LTA4H: variants seen among roughly 807,000 people sequenced by gnomAD.
LTA4H encodes leukotriene A4 hydrolase, also known as leukotriene A-4 hydrolase.
Under a neutral mutation model 89.8 loss-of-function variants are expected in LTA4H, and 59 were observed. The ratio of observed to expected loss-of-function variants is 0.66; its 90% CI spans 0.53 to 0.82. The LOEUF (loss-of-function observed/expected upper bound fraction) is 0.82. Among genes scored for constraint, LTA4H ranks in the 40% least tolerant of loss-of-function variants. The pLI, the probability that LTA4H is intolerant of heterozygous loss-of-function variation, is 0.00. For missense variants in LTA4H, 617 were observed against 727.0 expected (o/e 0.85, Z 1.74); for synonymous variants, 227 against 253.1 (o/e 0.90, Z 0.98).
chr12:96,015,861 G>GT (rs1369510642), intron 10 of LTA4H, among the ~76,000 whole-genome samples, 167 bp from the exon 11 acceptor site: 1 of 152,200 alleles, frequency 6.6e-6, no homozygotes, highest in Admixed American at 6.5e-5. Flanking sequence ...AGAGCAATGG[G>GT]AAGCCCAGCC....
intron 18 of LTA4H, among the ~76,000 whole-genome samples, chr12:96,001,405 A>G (rs941142745): frequency 6.6e-6 from 1 of 152,142 alleles, no homozygotes; most frequent in African/African-American, 2.4e-5. Context: ...GGCAGATCAG[A>G]CATTTTGCAG....
chr12:96,002,748 C>A (rs1206954145), intron 18 of LTA4H, among the ~76,000 whole-genome samples: 1 of 151,814 alleles, frequency 6.6e-6, no homozygotes, highest in East Asian at 1.9e-4. Context: ...TCTATTTGAT[C>A]CAAAATAGTA....
chr12:96,013,075 T>C, intron 14 of LTA4H, 113 bp downstream of exon 14: 1 of 812,694 alleles, frequency 1.2e-6, no homozygotes, highest in Non-Finnish European at 2.1e-6. Flanking sequence ...AGAACTCTGC[T>C]TTCATCATTT....
chr12:96,038,418 G>A (rs1254926354), upstream of LTA4H, among the ~76,000 whole-genome samples: 1 of 152,130 alleles, frequency 6.6e-6, no homozygotes, highest in Non-Finnish European at 1.5e-5. Flanking sequence ...CAAATGTCCT[G>A]TTGCCCAGGC....
intron 16 of LTA4H, 112 bp downstream of exon 16, chr12:96,006,202 G>T (rs1338273351): frequency 1.8e-5 from 10 of 565,296 alleles, no homozygotes; most frequent in African/African-American, 5.6e-5. Context: ...TTTTATAAAT[G>T]ATTTTTTCCC....
intron 4 of LTA4H, among the ~76,000 whole-genome samples, chr12:96,024,090 C>T (rs770617111): frequency 6.6e-5 from 10 of 151,938 alleles, no homozygotes; most frequent in Non-Finnish European, 1.2e-4. Flanking sequence ...CCACCATGCC[C>T]GGCTAATTTT....
Position 96,035,454 on chromosome 12 carries a change from C to T in LTA4H, c.66G>A (p.Leu22=), listed in dbSNP as rs149683156. Residue 22 remains leucine (L), a synonymous_variant, in exon 1 of 19, where the codon CTG becomes CTA. Coordinates refer to ENST00000228740, the MANE Select transcript of LTA4H (RefSeq NM_000895.3). ...TAAAGTCGACGCTGCAGCGCAGGTG[C>T]AGGTGCTTGGTCCGGCAGACGGAAG... ...SPASVCRTKH[L]HLRCSVDFTR... 5.0e-6 allele frequency: 8 copies of T among 1,609,638 alleles called. No individual in the cohort carries two copies. The East Asian group carries it at 9.0e-5, about 18-fold the overall frequency.
At chr12:96,001,854 A>T (rs1045037687) in intron 18 of LTA4H, among the ~76,000 whole-genome samples, 3 of 147,362 alleles carry the variant, frequency 2.0e-5, no homozygotes, top group South Asian at 4.3e-4. Context: ...TATTTTATTC[A>T]TTTTTTTTTT....
intron 18 of LTA4H, among the ~76,000 whole-genome samples, chr12:96,001,771 A>AAAAG: frequency 6.6e-6 from 1 of 152,168 alleles, no homozygotes; most frequent in South Asian, 2.1e-4. Context: ...AGGATTAGTC[A>AAAAG]TTTTTAATGT....
intron 18 of LTA4H, among the ~76,000 whole-genome samples, chr12:96,001,744 C>T (rs1483311561): frequency 1.3e-5 from 2 of 151,840 alleles, no homozygotes; most frequent in Non-Finnish European, 2.9e-5. Flanking sequence ...ATAAAAAGGA[C>T]CTACCATACA....
intron 2 of LTA4H, 75 bp from the exon 3 acceptor site, chr12:96,027,639 T>C: frequency 1.2e-6 from 1 of 867,252 alleles, no homozygotes; most frequent in Non-Finnish European, 1.8e-6. Context: ...ATACATACAC[T>C]GAATAATATA....
In LTA4H at chr12:96,022,230, C is replaced by CCAGT. The variant is rs1950461534; in HGVS notation, c.498_501dup (p.Val168ThrfsTer10). 6.2e-7 allele frequency: 1 copy of CCAGT among 1,612,508 alleles called. No homozygotes were observed. The highest frequency in any genetic ancestry group is 8.5e-7 in the Non-Finnish European group (1 of 1,178,806). ...TCACGAATAGCACTCATAAGTGCCACCAGTTCTTTAGGGACAGACACCTAA... is the reference window on the plus strand; with the variant it reads ...TCACGAATAGCACTCATAAGTGCCACCAGTCAGTTCTTTAGGGACAGACACCTAA... On this transcript the variant is annotated frameshift_variant, in exon 5 of 19. Transcript: ENST00000228740. LOFTEE classifies it high-confidence loss of function. This position sits in a 1 kb window ranked among gnomAD's most constrained non-coding sequence, Gnocchi z 4.0.
intron 14 of LTA4H, chr12:96,012,367 GT>G (rs1950315001): frequency 6.6e-6 from 1 of 152,166 alleles, no homozygotes; most frequent in Non-Finnish European, 1.5e-5. Flanking sequence ...CACACAACTC[GT>G]GAAAGACCAG....
intron 11 of LTA4H, chr12:96,015,313 A>G (rs1592880798): frequency 2.0e-6 from 1 of 506,958 alleles, no homozygotes; most frequent in Non-Finnish European, 3.4e-6. Flanking sequence ...GACATACCAA[A>G]TAAGATGCAA....
intron 14 of LTA4H, chr12:96,012,392 T>A (rs930541146): frequency 1.1e-4 from 17 of 152,168 alleles, no homozygotes; most frequent in Admixed American, 1.1e-3. Context: ...TCAGGTCCGA[T>A]TGAAGGAGGG....
chr12:96,043,225 A>C (rs1950701504), intron 1 of LTA4H: 5 of 1,168,968 alleles, frequency 4.3e-6, no homozygotes, highest in African/African-American at 1.5e-5. Context: ...GGTGAATTGA[A>C]GGGGTAGGCA....
At chr12:96,021,237 C>A in intron 5 of LTA4H, 100 bp from the exon 6 acceptor site, 1 of 839,136 alleles carries the variant, frequency 1.2e-6, no homozygotes. Context: ...AATTCCCTTT[C>A]AAATCTCCTA....
chr12:96,017,954 G>A (rs912260932), intron 8 of LTA4H, among the ~76,000 whole-genome samples: 2 of 151,976 alleles, frequency 1.3e-5, no homozygotes, highest in African/African-American at 2.4e-5. Flanking sequence ...TATGTGTCCT[G>A]TGCTGTATTT....
At chr12:96,019,757 A>G (rs911305107) in intron 6 of LTA4H, among the ~76,000 whole-genome samples, 9 of 150,906 alleles carry the variant, frequency 6.0e-5, no homozygotes, top group Admixed American at 3.9e-4. Context: ...ACGCCCAGCT[A>G]ATTTTTTCTT....
Sources: allele counts gnomAD v4.1 joint callset (sites outside exome capture counted in the v4.1 genomes callset), GRCh38; gene constraint gnomAD v4.1.1; non-coding constraint Gnocchi (gnomAD v3.1); transcripts MANE v1.5; gene names NCBI Gene and HGNC (gene_info 2026-07-23, HGNC 2026-07-21).